ANKRD30B: variants seen among roughly 807,000 people sequenced by gnomAD.
The protein encoded by ANKRD30B is ankyrin repeat domain-containing protein 30B.
ANKRD30B carries 144 observed loss-of-function variants against 202.2 expected under a neutral mutation model. The ratio of observed to expected loss-of-function variants is 0.71; its 90% CI spans 0.62 to 0.82. The LOEUF is 0.82. ANKRD30B is among the 40% of genes least tolerant of loss of function. The pLI is 0.00. For synonymous variants in ANKRD30B, 508 were observed against 561.3 expected, an observed-to-expected ratio of 0.91 and a Z score of 1.34; for missense variants, 1,487 against 1,669.1, an observed-to-expected ratio of 0.89 and a Z score of 1.90.
the ANKRD30B span, chr18:14,915,524 T>C: frequency 6.6e-6 from 1 of 152,198 alleles, no homozygotes; most frequent in Non-Finnish European, 1.5e-5. Context: ...GGGCCTAGTA[T>C]GAGGTGAGTG....
At chr18:14,875,937 C>T in the ANKRD30B span, among the ~76,000 whole-genome samples, 1 of 152,146 alleles carries the variant, frequency 6.6e-6, no homozygotes, top group Non-Finnish European at 1.5e-5. Context: ...ACAATCCCTG[C>T]TACATCATAG....
chr18:14,810,277 A>T lies in ANKRD30B; in HGVS notation c.2488+97A>T. ...ATTCCCAAAGTTGTTTTCTTTTGAA[A>T]ATTTGATGGGAAAATTTGATACAAA... On this transcript the variant is annotated intron_variant, in intron 28 of 43. Transcript: ENST00000690538. 5.0e-6 allele frequency: 4 copies of T among 796,334 alleles called. No individual in the cohort carries two copies. In the South Asian group the frequency reaches 8.1e-5, roughly 16 times the overall value. 49.3% of individuals were successfully genotyped at this position (796,334 alleles called of 1,614,324 possible).
chr18:14,774,950 A>G (rs1408011414), intron 9 of ANKRD30B, among the ~76,000 whole-genome samples: 1 of 152,048 alleles, frequency 6.6e-6, no homozygotes, highest in Non-Finnish European at 1.5e-5. Flanking sequence ...ACAAGGTGAA[A>G]CCCCATCTCT....
the ANKRD30B span, among the ~76,000 whole-genome samples, chr18:14,865,184 C>T: frequency 2.0e-5 from 3 of 150,994 alleles, no homozygotes; most frequent in Admixed American, 6.6e-5. Flanking sequence ...TTCTGCCTAT[C>T]GTCTTTTCGC....
intron 7 of ANKRD30B, among the ~76,000 whole-genome samples, chr18:14,765,807 C>G (rs1331510358): frequency 6.6e-6 from 1 of 152,046 alleles, no homozygotes; most frequent in Non-Finnish European, 1.5e-5. Flanking sequence ...TTGACCCTTC[C>G]AGGGTAAAAG....
At chr18:14,872,086 C>A in the ANKRD30B span, among the ~76,000 whole-genome samples, 972 of 152,214 alleles carry the variant, frequency 6.4e-3, 12 homozygotes, top group African/African-American at 0.022. Flanking sequence ...GATCACACAG[C>A]CACGAAGCAG....
At chr18:14,750,756 G>A (rs948398229) in intron 1 of ANKRD30B, among the ~76,000 whole-genome samples, 6 of 152,024 alleles carry the variant, frequency 3.9e-5, no homozygotes, top group Admixed American at 6.5e-5. Flanking sequence ...AAACATATAC[G>A]GAAGTATGTT....
At chr18:14,825,476 C>CGTTT (rs1970619437) in intron 32 of ANKRD30B, among the ~76,000 whole-genome samples, 1 of 151,946 alleles carries the variant, frequency 6.6e-6, no homozygotes, top group African/African-American at 2.4e-5. Context: ...CTCGGATGAT[C>CGTTT]AAACTTTTGT....
chr18:14,841,381 C>T (rs1439446955), intron 37 of ANKRD30B, among the ~76,000 whole-genome samples: 1 of 152,132 alleles, frequency 6.6e-6, no homozygotes, highest in Non-Finnish European at 1.5e-5. Flanking sequence ...GCTGGTTGTC[C>T]TTGGACCTCA....
intron 30 of ANKRD30B, among the ~76,000 whole-genome samples, chr18:14,815,635 T>C (rs746014325): frequency 6.6e-6 from 1 of 152,164 alleles, no homozygotes; most frequent in Non-Finnish European, 1.5e-5. Context: ...TTTGAGTATG[T>C]TTTTAGCCAG....
the ANKRD30B span, among the ~76,000 whole-genome samples, chr18:14,930,741 C>G: frequency 6.6e-5 from 10 of 152,282 alleles, 1 homozygote; most frequent in South Asian, 1.9e-3. Flanking sequence ...GGCTCCTTCC[C>G]CAGCACGGTG....
rs1443453614 is a variant in ANKRD30B, at chr18:14,822,797, C to T, written c.2743+120C>T. On this transcript the variant is annotated intron_variant, in intron 32 of 43. Transcript: ENST00000690538. The stretch of plus-strand genomic sequence containing the variant: ...CAAAATTGGATGGGAAAATTTGACA[C>T]AAATAATGCCAATGTTAGTATTCAT... 23 of 1,288,698 alleles carry T rather than the reference C, an allele frequency of 1.8e-5. No individual in the cohort carries two copies. The East Asian group carries it at 5.8e-4, about 33-fold the overall frequency. The allele number at this position is 1,288,698 out of a possible 1,614,324, so 79.8% of individuals were successfully genotyped here.
the ANKRD30B span, among the ~76,000 whole-genome samples, chr18:14,924,424 T>C: frequency 6.6e-6 from 1 of 152,242 alleles, no homozygotes. Context: ...TGAATCATTG[T>C]TCATTTACAA....
chr18:14,882,961 T>G, the ANKRD30B span, among the ~76,000 whole-genome samples: 3 of 152,176 alleles, frequency 2.0e-5, no homozygotes, highest in Non-Finnish European at 4.4e-5. Flanking sequence ...CATGAAATGC[T>G]TTTTTCTATT....
rs372318080 is a variant in ANKRD30B at position 14,831,282 on chromosome 18, T to C, written c.2775-101T>C. The C allele has an allele frequency of 3.0e-5, 23 of 762,870 alleles. 2 individuals are homozygous for C. The East Asian group carries it at 4.6e-4, about 15-fold the overall frequency. The allele number at this position is 762,870 out of a possible 1,614,324, so 47.3% of individuals were successfully genotyped here. On this transcript the variant is annotated intron_variant, in intron 33 of 43. Transcript: ENST00000690538. ...GACTGATCTTTCCCCAGATTTTGTT[T>C]TTTGTTCTCATTTTTTGGAGTGAGC...
At chr18:14,751,465 A>C (rs75293181) in intron 1 of ANKRD30B, among the ~76,000 whole-genome samples, 8,852 of 152,144 alleles carry the variant, frequency 0.058, 376 homozygotes, top group Admixed American at 0.13. Flanking sequence ...TTAGGACTGA[A>C]TCTCAATTAA....
chr18:14,796,554 A>C, intron 18 of ANKRD30B, 139 bp downstream of exon 18: 1 of 1,169,016 alleles, frequency 8.6e-7, no homozygotes, highest in Non-Finnish European at 1.2e-6. Context: ...CAATGTTAGC[A>C]TTTATGTTTG....
intron 4 of ANKRD30B, 58 bp from the exon 5 acceptor site, chr18:14,757,756 CT>C: frequency 6.4e-7 from 1 of 1,556,286 alleles, no homozygotes; most frequent in South Asian, 1.2e-5. Context: ...TAATTCTACA[CT>C]GATAGGCACA....
At chr18:14,837,744 T>C in intron 36 of ANKRD30B, 68 bp downstream of exon 36, 3 of 1,309,258 alleles carry the variant, frequency 2.3e-6, no homozygotes, top group South Asian at 1.5e-5. Flanking sequence ...CATAAAAAGA[T>C]GATTTGACTT....
Sources: allele counts gnomAD v4.1 joint callset (sites outside exome capture counted in the v4.1 genomes callset), GRCh38; gene constraint gnomAD v4.1.1; transcripts MANE v1.5; gene names NCBI Gene and HGNC (gene_info 2026-07-23, HGNC 2026-07-21).